TUBB6: variants seen among roughly 807,000 people sequenced by gnomAD.
TUBB6 encodes the protein tubulin beta-6 chain.
A neutral mutation model predicts 32.3 loss-of-function variants in TUBB6; 18 were observed. The observed-to-expected ratio is 0.56, with a 90% confidence interval of 0.39 to 0.83. The LOEUF (loss-of-function observed/expected upper bound fraction) is 0.83. Among genes scored for constraint, TUBB6 ranks in the 40% least tolerant of loss-of-function variants. The probability of loss-of-function intolerance (pLI) is 0.00; values close to 1 mark genes in which losing one functional copy is unlikely to be tolerated. For synonymous variants in TUBB6, 280 were observed against 265.8 expected (o/e 1.05, Z -0.52); for missense variants, 480 against 632.0 (o/e 0.76, Z 2.58).
At chr18:12,310,219 G>A (rs1260280905) in intron 2 of TUBB6, among the ~76,000 whole-genome samples, 1 of 151,944 alleles carries the variant, frequency 6.6e-6, no homozygotes, top group Non-Finnish European at 1.5e-5. Context: ...GCCAGGCACG[G>A]TGGCTCACCC....
At chr18:12,317,153 C>CA (rs773323455) in intron 3 of TUBB6, among the ~76,000 whole-genome samples, 2,714 of 66,224 alleles carry the variant, frequency 0.041, 53 homozygotes, top group African/African-American at 0.087. Flanking sequence ...GAGACCCTGT[C>CA]AAAAAAAAAA....
Position 12,325,955 on chromosome 18 carries a change from T to C in TUBB6, c.1166T>C (p.Phe389Ser). Residue 389 changes from phenylalanine to serine, a missense_variant, in exon 4 of 4, where the codon TTC (phenylalanine) becomes TCC (serine). Coordinates refer to ENST00000317702, the MANE Select transcript of TUBB6 (RefSeq NM_032525.3). ...KRISEQFSAM[F>S]RRKAFLHWFT... is the part of the protein sequence containing the mutation. ...ATCTCCGAGCAGTTCTCAGCCATGTTCCGGCGCAAGGCCTTCCTGCACTGG... is the reference window on the plus strand; with the variant it reads ...ATCTCCGAGCAGTTCTCAGCCATGTCCCGGCGCAAGGCCTTCCTGCACTGG... 1 of 1,614,108 alleles carries C rather than the reference T, an allele frequency of 6.2e-7. No individual in the cohort carries two copies. Among genetic ancestry groups the C allele is most frequent in the Non-Finnish European group, 8.5e-7 (1 of 1,180,040 alleles).
intron 3 of TUBB6, among the ~76,000 whole-genome samples, chr18:12,314,050 A>C (rs1204174567): frequency 6.6e-6 from 1 of 152,230 alleles, no homozygotes; most frequent in Non-Finnish European, 1.5e-5. Context: ...CTTACTAAGT[A>C]GGTATAGACT....
chr18:12,321,527 G>A (rs1208940148), intron 3 of TUBB6, among the ~76,000 whole-genome samples: 1 of 152,198 alleles, frequency 6.6e-6, no homozygotes, highest in Admixed American at 6.5e-5. Flanking sequence ...GCAGCTCTCA[G>A]AGGCAGCCTT....
In TUBB6 at chr18:12,325,662, G is replaced by C; in HGVS notation, c.873G>C (p.Gln291His). The change falls in exon 4 of 4, where the codon CAG (glutamine) becomes CAC (histidine). Residue 291 changes from glutamine (Q) to histidine (H), a missense_variant. Gln to His is a conservative substitution (Grantham distance 24). Transcript: ENST00000317702. Reference sequence around the variant, plus strand: ...CCCTGACCGTGCCCGAGCTCACCCAGCAGATGTTCGACGCCAGGAACATGA... The same window carrying C: ...CCCTGACCGTGCCCGAGCTCACCCACCAGATGTTCGACGCCAGGAACATGA... ...YRALTVPELT[Q>H]QMFDARNMMA... is the part of the protein sequence containing the mutation. The C allele has an allele frequency of 6.2e-7, 1 of 1,614,026 alleles. No individual in the cohort carries two copies. The highest frequency in any genetic ancestry group is 8.5e-7 in the Non-Finnish European group (1 of 1,179,968).
At chr18:12,316,299 A>G (rs1458788854) in intron 3 of TUBB6, among the ~76,000 whole-genome samples, 1 of 152,220 alleles carries the variant, frequency 6.6e-6, no homozygotes, top group African/African-American at 2.4e-5. Context: ...ACATTGGGAG[A>G]GTGTAAGGTC....
intron 1 of TUBB6, 63 bp from the exon 2 acceptor site, chr18:12,308,624 C>A: frequency 8.0e-7 from 1 of 1,246,278 alleles, no homozygotes; most frequent in Non-Finnish European, 1.2e-6. Context: ...GGGGTGGGCG[C>A]GGGTGGCGGC....
At position 12,308,672 on chromosome 18, in the gene TUBB6, C is replaced by T. The variant is rs764898664; in HGVS notation, c.58-15C>T. The T allele has an allele frequency of 1.9e-6, 3 of 1,578,958 alleles. No individual in the cohort carries two copies. Among genetic ancestry groups the T allele is most frequent in the Non-Finnish European group, 2.6e-6 (3 of 1,148,924 alleles). On this transcript the variant is annotated splice_polypyrimidine_tract_variant and intron_variant, in intron 1 of 3. Transcript: ENST00000317702. ...GGGTTCTGAGCGTCTGTCCCCCCGC[C>T]TTGCCCTGCCCAAGTTTTGGGAAGT...
Position 12,325,076 on chromosome 18 carries a change from G to A in TUBB6, c.287G>A (p.Gly96Asp). The A allele has an allele frequency of 6.4e-7, 1 of 1,571,876 alleles. No individual in the cohort carries two copies. The highest frequency in any genetic ancestry group is 8.7e-7 in the Non-Finnish European group (1 of 1,155,622). Residue 96 changes from glycine to aspartate, a missense_variant, in exon 4 of 4, where the codon GGT becomes GAT. By Grantham distance (94) the Gly-to-Asp change is moderately conservative. Transcript: ENST00000317702. ...ACTCTCTTTGTTGCAGGCCAGACGG[G>A]TGCAGGGAACAACTGGGCGAAAGGG... The part of the protein sequence containing the change: ...RPDNFIFGQT[G>D]AGNNWAKGHY...
intron 3 of TUBB6, among the ~76,000 whole-genome samples, chr18:12,311,380 G>A (rs867610397): frequency 4.6e-5 from 7 of 152,268 alleles, no homozygotes; most frequent in Middle Eastern, 3.4e-3. Flanking sequence ...AGCGGATCAC[G>A]AGGTCAGGAG....
At chr18:12,308,133 C>A (rs1290799659), upstream of TUBB6, 2 of 250,638 alleles carry the variant, frequency 8.0e-6, no homozygotes, top group Non-Finnish European at 1.3e-5. Context: ...CAGGCCGGGC[C>A]GCGGCGTCGA....
chr18:12,310,831 G>T, intron 2 of TUBB6, 112 bp from the exon 3 acceptor site: 2 of 656,154 alleles, frequency 3.0e-6, no homozygotes, highest in East Asian at 3.0e-5. Context: ...TTTCTGAAAA[G>T]ACCCTGGTTG....
chr18:12,322,822 A>G (rs1907059547), intron 3 of TUBB6, among the ~76,000 whole-genome samples: 1 of 152,226 alleles, frequency 6.6e-6, no homozygotes, highest in Non-Finnish European at 1.5e-5. Flanking sequence ...AGGTAGATAG[A>G]TAACATTTAA....
intron 3 of TUBB6, among the ~76,000 whole-genome samples, chr18:12,322,792 G>A (rs558178083): frequency 3.5e-4 from 53 of 151,924 alleles, no homozygotes; most frequent in Middle Eastern, 3.4e-3. Flanking sequence ...TGAATTAATA[G>A]GAAAAAAATA....
At chr18:12,319,809 C>T (rs751419455) in intron 3 of TUBB6, among the ~76,000 whole-genome samples, 10 of 151,828 alleles carry the variant, frequency 6.6e-5, no homozygotes, top group African/African-American at 1.2e-4. Context: ...TTTTTTTTGA[C>T]GGAGTCTCAC....
intron 3 of TUBB6, among the ~76,000 whole-genome samples, chr18:12,323,244 A>G (rs1195266790): frequency 2.0e-5 from 3 of 152,190 alleles, no homozygotes; most frequent in African/African-American, 7.2e-5. Context: ...GTTCACAGCA[A>G]TGTATGAAAG....
chr18:12,311,605 C>CA (rs1906388497), intron 3 of TUBB6, among the ~76,000 whole-genome samples: 4 of 151,706 alleles, frequency 2.6e-5, no homozygotes, highest in African/African-American at 4.8e-5. Flanking sequence ...TCAAAAATAG[C>CA]AAAAAACAAA....
At chr18:12,319,404 C>T (rs1195937318) in intron 3 of TUBB6, among the ~76,000 whole-genome samples, 2 of 152,066 alleles carry the variant, frequency 1.3e-5, no homozygotes, top group East Asian at 3.9e-4. Context: ...CTCGGCCTCC[C>T]AAAAGTACTG....
intron 3 of TUBB6, among the ~76,000 whole-genome samples, chr18:12,317,475 AG>A (rs1906738315): frequency 5.1e-5 from 1 of 19,580 alleles, no homozygotes; most frequent in Admixed American, 4.5e-4. Flanking sequence ...CTCAAAAAAA[AG>A]AAAAGAAAAA....
Sources: gnomAD v4.1 joint callset for allele counts (sites outside exome capture counted in the v4.1 genomes callset) on GRCh38, gnomAD v4.1.1 for gene constraint, MANE v1.5 for transcripts, NCBI Gene and HGNC (gene_info 2026-07-23, HGNC 2026-07-21) for gene names.